RIMS1: variants seen among roughly 807,000 people sequenced by gnomAD.
RIMS1 encodes regulating synaptic membrane exocytosis 1.
A neutral mutation model predicts 214.1 loss-of-function variants in RIMS1; 83 were observed. That is an observed-to-expected ratio of 0.39 (90% CI 0.32 to 0.47). RIMS1 has a LOEUF of 0.47. Among genes scored for constraint, RIMS1 ranks in the 20% least tolerant of loss-of-function variants. The pLI, the probability that RIMS1 is intolerant of heterozygous loss-of-function variation, is 0.99. For synonymous variants in RIMS1, 793 were observed against 786.8 expected, an observed-to-expected ratio of 1.01 and a Z score of -0.13; for missense variants, 2,050 against 2,161.8, an observed-to-expected ratio of 0.95 and a Z score of 1.03.
chr6:72,185,892 G>A (rs930260856), intron 6 of RIMS1, among the ~76,000 whole-genome samples: 1 of 152,156 alleles, frequency 6.6e-6, no homozygotes, highest in Non-Finnish European at 1.5e-5. Context: ...TCTCCTCAAT[G>A]TGAAGACGAC....
chr6:71,926,436 A>T (rs894773148), intron 1 of RIMS1, among the ~76,000 whole-genome samples: 3 of 152,232 alleles, frequency 2.0e-5, no homozygotes, highest in Non-Finnish European at 4.4e-5. Context: ...ATAATGACAC[A>T]GATTTAAAGA....
At chr6:72,086,905 G>C (rs1834795673) in intron 2 of RIMS1, among the ~76,000 whole-genome samples, 3 of 152,198 alleles carry the variant, frequency 2.0e-5, no homozygotes, top group Non-Finnish European at 4.4e-5. Flanking sequence ...CCATCGGCAG[G>C]AAGCCTAGTT....
chr6:72,342,203 A>G (rs2097115072), intron 29 of RIMS1, among the ~76,000 whole-genome samples: 3 of 151,806 alleles, frequency 2.0e-5, no homozygotes, highest in Admixed American at 6.6e-5. Context: ...TTCACTGTCA[A>G]CTTGCTGCCC....
chr6:72,004,998 T>G (rs1240404982), intron 2 of RIMS1, among the ~76,000 whole-genome samples: 1 of 151,758 alleles, frequency 6.6e-6, no homozygotes, highest in African/African-American at 2.4e-5. Flanking sequence ...GTTTTTATGG[T>G]TTTAGGTCTA....
rs141973532 is a variant in RIMS1, at chr6:72,212,854, T to C, written c.1679-20919T>C. 3.7e-4 allele frequency: 414 copies of C among 1,122,438 alleles called. No homozygotes were observed. In the African/African-American group the frequency reaches 6.2e-3, roughly 17 times the overall value. The allele number at this position is 1,122,438 out of a possible 1,614,324, so 69.5% of individuals were successfully genotyped here. A position where few individuals can be genotyped will look rare whatever the true frequency, so the allele number is the denominator to read the frequency against. ...CCACACCACCAGGCCCACCGAAGCTTGTCTACAGTATTTTATCCAAGCAGT... is the reference window on the plus strand; with the variant it reads ...CCACACCACCAGGCCCACCGAAGCTCGTCTACAGTATTTTATCCAAGCAGT... On this transcript the variant is annotated intron_variant, in intron 6 of 33. Coordinates refer to ENST00000521978, the MANE Select transcript of RIMS1 (RefSeq NM_014989.7).
chr6:72,159,890 T>A (rs575770809), intron 4 of RIMS1, among the ~76,000 whole-genome samples: 20 of 140,074 alleles, frequency 1.4e-4, no homozygotes, highest in Non-Finnish European at 3.2e-4. Context: ...TTTGGTTCCA[T>A]GTGAACTTTA....
intron 8 of RIMS1, among the ~76,000 whole-genome samples, chr6:72,236,798 AAAAG>A: frequency 6.6e-6 from 1 of 152,056 alleles, no homozygotes; most frequent in Non-Finnish European, 1.5e-5. Flanking sequence ...AAAAAAAAAA[AAAAG>A]CAATGTTTTA....
chr6:72,187,479 G>GTTTTT lies in RIMS1; in HGVS notation c.1678+4342_1678+4346dup, dbSNP rs61420518. On this transcript the variant is annotated intron_variant, in intron 6 of 33. Coordinates refer to ENST00000521978, the MANE Select transcript of RIMS1 (RefSeq NM_014989.7). ...TAATTTGTGTCCAGATATCCTTTTT[G>GTTTTT]TTTTTTTTTTTTTTTTGGAGACAGA... Among the ~76,000 whole-genome samples, 58 of 125,604 alleles carry GTTTTT rather than the reference G, an allele frequency of 4.6e-4. 1 individual carries two copies. The highest frequency in any genetic ancestry group is 4.4e-3 in the Middle Eastern group (1 of 228). 82.4% of individuals were successfully genotyped at this position (125,604 alleles called of 152,430 possible). A position where few individuals can be genotyped will look rare whatever the true frequency, so the allele number is the denominator to read the frequency against.
intron 29 of RIMS1, among the ~76,000 whole-genome samples, chr6:72,349,550 C>T (rs544921895): frequency 2.2e-4 from 34 of 151,666 alleles, no homozygotes; most frequent in Non-Finnish European, 4.1e-4. Flanking sequence ...TTTTATCACT[C>T]TGAATTTGAA....
intron 2 of RIMS1, among the ~76,000 whole-genome samples, chr6:72,075,388 A>G (rs1224667713): frequency 6.6e-6 from 1 of 152,236 alleles, no homozygotes; most frequent in Non-Finnish European, 1.5e-5. Flanking sequence ...GATCACAAGC[A>G]TGAGCCACTG....
Position 72,008,653 on chromosome 6 carries a change from A to G in RIMS1, c.245+39590A>G, listed in dbSNP as rs552821391. 3.9e-5 allele frequency among the ~76,000 whole-genome samples: 6 copies of G among 152,340 alleles called. No individual in the cohort carries two copies. In the South Asian group the frequency reaches 1.2e-3, roughly 32 times the overall value. ...GATCTACCAAGCAAATGGAAAACAA[A>G]AAAAGGCAGGGGTTGCAATCCTAGC... On this transcript the variant is annotated intron_variant, in intron 2 of 33. Coordinates refer to ENST00000521978, the MANE Select transcript of RIMS1 (RefSeq NM_014989.7).
At chr6:72,334,517 G>A (rs1287397003) in intron 29 of RIMS1, among the ~76,000 whole-genome samples, 1 of 151,806 alleles carries the variant, frequency 6.6e-6, no homozygotes, top group East Asian at 1.9e-4. Flanking sequence ...ACAAAACACT[G>A]CTTAAAATTA....
At chr6:71,977,211 T>C (rs544323468) in intron 2 of RIMS1, among the ~76,000 whole-genome samples, 20 of 152,294 alleles carry the variant, frequency 1.3e-4, no homozygotes, top group Non-Finnish European at 4.4e-5. Context: ...TTTCTCTGTT[T>C]TGGGAGCTCT....
At chr6:72,199,197 T>G (rs899619534) in intron 6 of RIMS1, among the ~76,000 whole-genome samples, 1 of 152,046 alleles carries the variant, frequency 6.6e-6, no homozygotes, top group African/African-American at 2.4e-5. Flanking sequence ...AAAGGCTGTG[T>G]CTTCTTTCAA....
chr6:71,923,360 C>G (rs764700138), intron 1 of RIMS1, among the ~76,000 whole-genome samples: 2 of 152,174 alleles, frequency 1.3e-5, no homozygotes, highest in Non-Finnish European at 2.9e-5. Context: ...GATCCTACAA[C>G]TGTCTTATGT....
intron 2 of RIMS1, among the ~76,000 whole-genome samples, chr6:71,975,368 C>A (rs1796879808): frequency 6.6e-6 from 1 of 151,984 alleles, no homozygotes; most frequent in African/African-American, 2.4e-5. Flanking sequence ...TGGTTGGTCA[C>A]CCTAGAACTA....
At position 72,402,236 on chromosome 6, in the gene RIMS1, G is replaced by A. The variant is rs1405155521; in HGVS notation, c.*1522G>A. ...TAGTTCCACATAGGCCAGCTTGTAT[G>A]TTGCATGTACTTGTACAGTTTGCTT... is the stretch of plus-strand genomic sequence containing the variant. On this transcript the variant is annotated 3_prime_UTR_variant, in exon 34 of 34. Coordinates refer to ENST00000521978, the MANE Select transcript of RIMS1 (RefSeq NM_014989.7). The A allele has an allele frequency of 6.6e-6, 1 of 152,638 alleles. No individual in the cohort carries two copies. The highest frequency in any genetic ancestry group is 1.5e-5 in the Non-Finnish European group (1 of 68,038). 9.5% of individuals were successfully genotyped at this position (152,638 alleles called of 1,614,324 possible).
chr6:72,243,948 T>C (rs143938117), intron 10 of RIMS1, among the ~76,000 whole-genome samples: 1 of 150,322 alleles, frequency 6.7e-6, no homozygotes, highest in African/African-American at 2.4e-5. Context: ...ATTGGAATCC[T>C]AGAAAAATAA....
intron 2 of RIMS1, among the ~76,000 whole-genome samples, chr6:72,075,719 A>T (rs1831659318): frequency 6.6e-6 from 1 of 152,208 alleles, no homozygotes; most frequent in Non-Finnish European, 1.5e-5. Flanking sequence ...GTGGGTCTCT[A>T]AATAACACAA....
Sources: gnomAD v4.1 joint callset for allele counts (sites outside exome capture counted in the v4.1 genomes callset) on GRCh38, gnomAD v4.1.1 for gene constraint, MANE v1.5 for transcripts, NCBI Gene and HGNC (gene_info 2026-07-23, HGNC 2026-07-21) for gene names.